The following GPC6 variants were observed in gnomAD, a reference collection of about 807,000 sequenced individuals.
The protein encoded by GPC6 is glypican-6.
GPC6 carries 14 observed loss-of-function variants against 55.2 expected under a neutral mutation model. The observed-to-expected ratio is 0.25, with a 90% CI of 0.17 to 0.40. The LOEUF is 0.40. Among genes scored for constraint, GPC6 ranks in the 10% least tolerant of loss-of-function variants. The pLI is 1.00. For synonymous variants in GPC6, 278 were observed against 259.6 expected (o/e 1.07, Z -0.68); for missense variants, 641 against 708.5 (o/e 0.90, Z 1.08).
chr13:93,752,629 C>T (rs1290242666), intron 2 of GPC6, among the ~76,000 whole-genome samples: 1 of 152,010 alleles, frequency 6.6e-6, no homozygotes, highest in African/African-American at 2.4e-5. Context: ...AGTAGTCTGC[C>T]TGTTACAGAG....
intron 3 of GPC6, among the ~76,000 whole-genome samples, chr13:94,017,818 C>T (rs960245642): frequency 2.6e-5 from 4 of 152,034 alleles, no homozygotes; most frequent in African/African-American, 9.7e-5. Flanking sequence ...GCTGGGATTA[C>T]AGGCACCCAC....
chr13:93,229,985 C>G (rs931998046), intron 1 of GPC6, among the ~76,000 whole-genome samples: 10 of 152,160 alleles, frequency 6.6e-5, no homozygotes, highest in African/African-American at 2.4e-4. Flanking sequence ...GGAACACACT[C>G]TATCTCTCCT....
At chr13:94,367,567 C>G (rs535988237) in intron 6 of GPC6, among the ~76,000 whole-genome samples, 1 of 152,152 alleles carries the variant, frequency 6.6e-6, no homozygotes, top group Non-Finnish European at 1.5e-5. Flanking sequence ...CCACATTTAT[C>G]CCAATTTGAG....
chr13:93,568,252 T>G (rs983552574), intron 2 of GPC6, among the ~76,000 whole-genome samples: 2 of 152,178 alleles, frequency 1.3e-5, no homozygotes, highest in African/African-American at 4.8e-5. Flanking sequence ...CATTGTGGCT[T>G]TTTGTAACTA....
intron 4 of GPC6, among the ~76,000 whole-genome samples, chr13:94,241,308 C>A (rs1178304074): frequency 6.6e-6 from 1 of 152,126 alleles, no homozygotes; most frequent in Non-Finnish European, 1.5e-5. Context: ...TCTATTCTAG[C>A]AGCCTGAACT....
intron 2 of GPC6, among the ~76,000 whole-genome samples, chr13:93,561,404 G>A (rs867887777): frequency 2.9e-5 from 3 of 104,668 alleles, no homozygotes; most frequent in South Asian, 2.5e-4. Context: ...TATCCCTATC[G>A]ATATATATAT....
At chr13:93,822,030 TATGTATACAC>T (rs752162563) in intron 2 of GPC6, among the ~76,000 whole-genome samples, 30 of 134,014 alleles carry the variant, frequency 2.2e-4, no homozygotes, top group Non-Finnish European at 2.5e-4. Context: ...ATATACATAA[TATGTATACAC>T]ATGATATACA....
At chr13:93,804,573 C>A (rs902899898) in intron 2 of GPC6, among the ~76,000 whole-genome samples, 5 of 152,134 alleles carry the variant, frequency 3.3e-5, no homozygotes, top group African/African-American at 1.2e-4. Context: ...TTAGTGTTCC[C>A]ACTTAGATTA....
rs190534645 is a variant in GPC6, at chr13:94,407,764, G to T, written c.*4547G>T. On this transcript the variant is annotated 3_prime_UTR_variant, in exon 9 of 9. Transcript: ENST00000377047. ...TAATAATTTCCCAATTTAGCCAATT[G>T]CATTGATTTTTATACTTCTGAAATG... Among the ~76,000 whole-genome samples, 256 of 152,246 alleles carry T rather than the reference G, an allele frequency of 1.7e-3. 2 individuals carry two copies. The highest frequency in any genetic ancestry group is 0.016 in the Admixed American group (237 of 15,290).
chr13:94,121,437 A>G (rs1038934843), intron 4 of GPC6, among the ~76,000 whole-genome samples: 5 of 152,142 alleles, frequency 3.3e-5, no homozygotes, highest in Non-Finnish European at 5.9e-5. Context: ...TCAGTTTATT[A>G]AATAACTCGA....
intron 1 of GPC6, among the ~76,000 whole-genome samples, chr13:93,248,000 T>C (rs1876660385): frequency 2.6e-5 from 4 of 152,210 alleles, no homozygotes; most frequent in Admixed American, 2.6e-4. Flanking sequence ...AAAATTTAAC[T>C]AATTAACTGA....
intron 1 of GPC6, among the ~76,000 whole-genome samples, chr13:93,259,751 A>G (rs1342971135): frequency 6.6e-6 from 1 of 152,110 alleles, no homozygotes; most frequent in African/African-American, 2.4e-5. Flanking sequence ...TATACATAGG[A>G]GTATAAAATG....
rs1229053717 is a variant in GPC6 at position 93,522,320 on chromosome 13, C to T, written c.161-22943C>T. Reference sequence around the variant, plus strand: ...TTTAGCTTCCAATCTCACCCCATTCCGATTCCTGGAATAATCCAGTTTTGT... The same window carrying T: ...TTTAGCTTCCAATCTCACCCCATTCTGATTCCTGGAATAATCCAGTTTTGT... On this transcript the variant is annotated intron_variant, in intron 1 of 8. Coordinates refer to ENST00000377047, the MANE Select transcript of GPC6 (RefSeq NM_005708.5). Among the ~76,000 whole-genome samples the T allele has an allele frequency of 3.3e-5, 5 of 151,964 alleles. No individual in the cohort carries two copies. The East Asian group carries it at 7.7e-4, about 23-fold the overall frequency.
At chr13:94,197,073 A>G (rs1385490981) in intron 4 of GPC6, among the ~76,000 whole-genome samples, 1 of 152,114 alleles carries the variant, frequency 6.6e-6, no homozygotes, top group Non-Finnish European at 1.5e-5. Flanking sequence ...TTTGGGCCTC[A>G]TGTATGAATC....
intron 1 of GPC6, among the ~76,000 whole-genome samples, chr13:93,530,077 G>C (rs1881806819): frequency 6.6e-6 from 1 of 152,194 alleles, no homozygotes. Flanking sequence ...TTACTAGTTT[G>C]GGGTGTAATA....
chr13:93,495,793 T>C (rs1435459608), intron 1 of GPC6, among the ~76,000 whole-genome samples: 1 of 145,074 alleles, frequency 6.9e-6, no homozygotes, highest in East Asian at 2.2e-4. Flanking sequence ...GTGTGAGGTG[T>C]CAGTGTGCCC....
At chr13:94,209,875 CT>C (rs1890023423) in intron 4 of GPC6, among the ~76,000 whole-genome samples, 1 of 151,752 alleles carries the variant, frequency 6.6e-6, no homozygotes. Context: ...AGAAGGGGTC[CT>C]GCTCTGTCAA....
At chr13:93,907,527 G>C (rs1659703401) in intron 3 of GPC6, among the ~76,000 whole-genome samples, 1 of 151,978 alleles carries the variant, frequency 6.6e-6, no homozygotes, top group Admixed American at 6.6e-5. Flanking sequence ...TTTAATAACT[G>C]TCTGCAGACA....
chr13:93,500,004 GC>G (rs1167679681), intron 1 of GPC6, among the ~76,000 whole-genome samples: 2 of 152,164 alleles, frequency 1.3e-5, no homozygotes, highest in African/African-American at 4.8e-5. Context: ...GGCTCACTTG[GC>G]CCGTTTCTGC....
Sources: gnomAD v4.1 joint callset for allele counts (sites outside exome capture counted in the v4.1 genomes callset) on GRCh38, gnomAD v4.1.1 for gene constraint, MANE v1.5 for transcripts, NCBI Gene and HGNC (gene_info 2026-07-23, HGNC 2026-07-21) for gene names.